KRT81: variants seen among roughly 807,000 people sequenced by gnomAD.
KRT81 encodes the protein keratin, type II cuticular Hb1.
KRT81 carries 35 observed loss-of-function variants against 35.8 expected under a neutral mutation model. The ratio of observed to expected loss-of-function variants is 0.98; its 90% CI spans 0.75 to 1.30. The LOEUF is 1.30. Among genes scored for constraint, KRT81 ranks in the 50% most tolerant of loss-of-function variants. The pLI is 0.00. For missense variants in KRT81, 531 were observed against 577.4 expected, an observed-to-expected ratio of 0.92 and a Z score of 0.82; for synonymous variants, 249 against 251.2, an observed-to-expected ratio of 0.99 and a Z score of 0.08.
Position 52,287,934 on chromosome 12 carries a change from A to G in KRT81, c.900+50T>C, listed in dbSNP as rs749287454. ...AGGAAGCCTATTTAATAGATATCTCACATCCCTCCCACTGACACGTCTAGC... is the reference window on the plus strand; with the variant it reads ...AGGAAGCCTATTTAATAGATATCTCGCATCCCTCCCACTGACACGTCTAGC... On this transcript the variant is annotated intron_variant, in intron 5 of 8. Transcript: ENST00000327741. 10 of 1,613,912 alleles carry G rather than the reference A, an allele frequency of 6.2e-6. No homozygotes were observed. In the Admixed American group the frequency reaches 1.7e-4, roughly 27 times the overall value.
rs763763828 is a variant in KRT81, at chr12:52,286,222, G to C, written c.*33C>G. On this transcript the variant is annotated 3_prime_UTR_variant, in exon 9 of 9. Transcript: ENST00000327741. ...GGGCCAAGCAAGGCAGGGCAGGAAA[G>C]ATGCCTGGGGCCTGGGACTTGAGTT... 6.5e-7 allele frequency: 1 copy of C among 1,534,854 alleles called. No homozygotes were observed. Among genetic ancestry groups the C allele is most frequent in the Non-Finnish European group, 8.8e-7 (1 of 1,131,916 alleles).
At chr12:52,286,988 G>A in intron 7 of KRT81, 114 bp downstream of exon 7, 1 of 1,586,732 alleles carries the variant, frequency 6.3e-7, no homozygotes. Flanking sequence ...CACCGGAAGT[G>A]AATAATAATA....
intron 1 of KRT81, 135 bp downstream of exon 1, chr12:52,290,962 T>C: frequency 2.7e-6 from 1 of 369,310 alleles, no homozygotes; most frequent in Non-Finnish European, 4.6e-6. Flanking sequence ...TCTGTCTGTG[T>C]GTCTGTGTGC....
chr12:52,286,849 AT>A, intron 7 of KRT81, 27 bp from the exon 8 acceptor site: 1 of 1,613,222 alleles, frequency 6.2e-7, no homozygotes, highest in Non-Finnish European at 8.5e-7. Flanking sequence ...AAAAGGCAAC[AT>A]TAGTGACTGC....
At chr12:52,288,860 G>C (rs575394768) in intron 3 of KRT81, among the ~76,000 whole-genome samples, 1 of 151,718 alleles carries the variant, frequency 6.6e-6, no homozygotes, top group South Asian at 2.1e-4. Flanking sequence ...CTGCCTCAAG[G>C]TCAGACTCCC....
At chr12:52,287,417 C>A in intron 6 of KRT81, 95 bp from the exon 7 acceptor site, 2 of 1,573,448 alleles carry the variant, frequency 1.3e-6, no homozygotes, top group Non-Finnish European at 1.7e-6. Flanking sequence ...GCTGGGAGCA[C>A]CCCAGAACAG....
At chr12:52,287,432 T>G (rs1258739085) in intron 6 of KRT81, 110 bp from the exon 7 acceptor site, 1 of 1,569,198 alleles carries the variant, frequency 6.4e-7, no homozygotes, top group Non-Finnish European at 8.7e-7. Context: ...GAACAGAGCC[T>G]CTTGCCTTTA....
In KRT81 at chr12:52,286,493, C is replaced by T. The variant is rs1937941184; in HGVS notation, c.1280G>A (p.Cys427Tyr). The T allele has an allele frequency of 6.4e-7, 1 of 1,552,114 alleles. No homozygotes were observed. The highest frequency in any genetic ancestry group is 8.7e-7 in the Non-Finnish European group (1 of 1,147,594). The change falls in exon 9 of 9, where the codon TGT (cysteine) becomes TAT (tyrosine). Residue 427 changes from cysteine to tyrosine, a missense_variant and splice_region_variant. Transcript: ENST00000327741. ...GACCCCGCCCCGGGAGCTGCTGACACCTGTGAACCCCGAAGGCTGAGTCAA... is the reference window on the plus strand; with the variant it reads ...GACCCCGCCCCGGGAGCTGCTGACATCTGTGAACCCCGAAGGCTGAGTCAA... ...LCEGIGAVNV[C>Y]VSSSRGGVVC...
In KRT81 at chr12:52,288,388, G is replaced by A. The variant is rs1206948928; in HGVS notation, c.708C>T (p.Ile236=). 3.1e-6 allele frequency: 5 copies of A among 1,614,090 alleles called. 1 individual carries two copies. The South Asian group carries it at 5.5e-5, about 18-fold the overall frequency. The part of the protein sequence containing the change: ...EANVEALIQE[I]DFLRRLYEEE... Reference sequence around the variant, plus strand: ...CCTCATACAGCCGCCTCAGGAAGTCGATCTCCTGGATCAGGGCCTCCACGT... The same window carrying A: ...CCTCATACAGCCGCCTCAGGAAGTCAATCTCCTGGATCAGGGCCTCCACGT... The change falls in exon 4 of 9, where the codon ATC becomes ATT. Residue 236 remains isoleucine, a synonymous_variant. Coordinates refer to ENST00000327741, the MANE Select transcript of KRT81 (RefSeq NM_002281.4).
chr12:52,287,883 T>A, intron 5 of KRT81, 101 bp downstream of exon 5: 1 of 1,607,026 alleles, frequency 6.2e-7, no homozygotes, highest in East Asian at 2.2e-5. Context: ...TCTCTTCTCA[T>A]CCCTAGGGAC....
Position 52,291,499 on chromosome 12 carries a change from G to T in KRT81, c.-34C>A. Reference sequence around the variant, plus strand: ...TGGACGTTTGGGTTGCAGAGGACAGGATAGGGGACCTGGAGTCCTGATGGA... The same window carrying T: ...TGGACGTTTGGGTTGCAGAGGACAGTATAGGGGACCTGGAGTCCTGATGGA... On this transcript the variant is annotated 5_prime_UTR_variant, in exon 1 of 9. Transcript: ENST00000327741. The T allele has an allele frequency of 1.2e-6, 2 of 1,610,590 alleles. No individual in the cohort carries two copies. The highest frequency in any genetic ancestry group is 1.7e-6 in the Non-Finnish European group (2 of 1,178,258).
In KRT81 at chr12:52,287,296, G is replaced by T; in HGVS notation, c.1053C>A (p.Ala351=). 1 of 1,613,190 alleles carries T rather than the reference G, an allele frequency of 6.2e-7. No homozygotes were observed. Among genetic ancestry groups the T allele is most frequent in the South Asian group, 1.1e-5 (1 of 91,000 alleles). Residue 351 remains alanine, a synonymous_variant, in exon 7 of 9, where the codon GCC becomes GCA. Coordinates refer to ENST00000327741, the MANE Select transcript of KRT81 (RefSeq NM_002281.4). ...CQNSKLEAAV[A]QSEQQGEAAL... ...CCGCCTCACCCTGCTGCTCAGACTG[G>T]GCCACCGCGGCCTCCAGCTTGGAGT...
In KRT81 at chr12:52,286,772, C is replaced by T. The variant is rs1444685927; in HGVS notation, c.1279+19G>A. On this transcript the variant is annotated intron_variant, in intron 8 of 8. Coordinates refer to ENST00000327741, the MANE Select transcript of KRT81 (RefSeq NM_002281.4). ...CAGGTAGTTAGTAAATCTGTCCACA[C>T]TGGACCCCAAATACTCACAGACATT... 4 of 1,613,118 alleles carry T rather than the reference C, an allele frequency of 2.5e-6. No individual in the cohort carries two copies. Among genetic ancestry groups the T allele is most frequent in the African/African-American group, 2.7e-5 (2 of 74,888 alleles).
At chr12:52,290,542 C>CCA (rs1555186457) in intron 1 of KRT81, among the ~76,000 whole-genome samples, 2 of 17,722 alleles carry the variant, frequency 1.1e-4, no homozygotes, top group East Asian at 1.8e-3. Context: ...TGACCCCCCC[C>CCA]CCCCAACCCA....
chr12:52,288,273 A>G (rs1034506589), intron 4 of KRT81, 88 bp downstream of exon 4: 1 of 1,603,102 alleles, frequency 6.2e-7, no homozygotes, highest in African/African-American at 1.3e-5. Context: ...AGGGACTGCA[A>G]CCTCTACCCA....
chr12:52,286,570 A>T, intron 8 of KRT81, 77 bp from the exon 9 acceptor site: 1 of 1,419,326 alleles, frequency 7.0e-7, no homozygotes, highest in Non-Finnish European at 9.7e-7. Flanking sequence ...CCTGCCCAAG[A>T]CCTGAGCTCT....
chr12:52,288,604 G>A, intron 3 of KRT81, 148 bp from the exon 4 acceptor site: 2 of 1,016,452 alleles, frequency 2.0e-6, no homozygotes, highest in Non-Finnish European at 3.1e-6. Flanking sequence ...CCCTTCCTGG[G>A]ATGAGCTGGC....
At position 52,288,055 on chromosome 12, in the gene KRT81, C is replaced by A; in HGVS notation, c.829G>T (p.Glu277Ter). 1.2e-6 allele frequency: 2 copies of A among 1,614,224 alleles called. No individual in the cohort carries two copies. The highest frequency in any genetic ancestry group is 8.5e-7 in the Non-Finnish European group (1 of 1,180,050). ...RDLNMDCIIA[E>*]IKAQYDDIVT... ...ATGTCGTCATACTGTGCCTTAATCT[C>A]GGCAATGATGCAGTCCATGTTCAGG... is the stretch of plus-strand genomic sequence containing the variant. Residue 277 changes from glutamate (E) to a stop codon, truncating the protein, a stop_gained, in exon 5 of 9, where the codon GAG becomes TAG. Transcript: ENST00000327741. LOFTEE classifies it high-confidence loss of function.
Position 52,288,396 on chromosome 12 carries a change from G to A in KRT81, c.700C>T (p.Gln234Ter). ...AGCCGCCTCAGGAAGTCGATCTCCTGGATCAGGGCCTCCACGTTGGCCTCC... is the reference window on the plus strand; with the variant it reads ...AGCCGCCTCAGGAAGTCGATCTCCTAGATCAGGGCCTCCACGTTGGCCTCC... Reference protein sequence around the residue: ...DLEANVEALIQEIDFLRRLYE... With the variant: ...DLEANVEALI Residue 234 changes from glutamine to a stop codon, truncating the protein, a stop_gained, in exon 4 of 9, where the codon CAG becomes TAG. Coordinates refer to ENST00000327741, the MANE Select transcript of KRT81 (RefSeq NM_002281.4). LOFTEE classifies it high-confidence loss of function. 6 of 1,614,138 alleles carry A rather than the reference G, an allele frequency of 3.7e-6. No homozygotes were observed. Among genetic ancestry groups the A allele is most frequent in the Non-Finnish European group, 5.1e-6 (6 of 1,180,016 alleles).
Sources: allele counts gnomAD v4.1 joint callset (sites outside exome capture counted in the v4.1 genomes callset), GRCh38; gene constraint gnomAD v4.1.1; transcripts MANE v1.5; gene names NCBI Gene and HGNC (gene_info 2026-07-23, HGNC 2026-07-21).